The following TMEM178B variants were observed in gnomAD, a reference collection of about 807,000 sequenced individuals.
TMEM178B encodes the protein transmembrane protein 178B.
Under a neutral mutation model 31.0 loss-of-function variants are expected in TMEM178B, and 5 were observed. The observed-to-expected ratio is 0.16, with a 90% CI of 0.08 to 0.34. The LOEUF is 0.34. Ranked by LOEUF, TMEM178B falls within the 10% of genes least tolerant of loss-of-function variation. The pLI is 1.00. For synonymous variants in TMEM178B, 164 were observed against 164.0 expected (o/e 1.00, Z 0.00); for missense variants, 275 against 400.3 (o/e 0.69, Z 2.67).
chr7:141,140,703 T>G (rs191038042), intron 1 of TMEM178B, among the ~76,000 whole-genome samples: 1 of 152,316 alleles, frequency 6.6e-6, no homozygotes, highest in Admixed American at 6.5e-5. Flanking sequence ...TTGTTTTTGG[T>G]GACTTTGACG....
At chr7:141,358,407 G>A (rs1799859876) in intron 2 of TMEM178B, among the ~76,000 whole-genome samples, 1 of 152,030 alleles carries the variant, frequency 6.6e-6, no homozygotes, top group Non-Finnish European at 1.5e-5. Context: ...AAACCTCTAT[G>A]TCTTTTCCCC....
At chr7:141,213,861 C>A (rs1797087161) in intron 2 of TMEM178B, among the ~76,000 whole-genome samples, 1 of 152,112 alleles carries the variant, frequency 6.6e-6, no homozygotes, top group African/African-American at 2.4e-5. Context: ...ACTAAATACT[C>A]CTGGCCTGAA....
At chr7:141,376,915 G>T (rs921986095) in intron 2 of TMEM178B, among the ~76,000 whole-genome samples, 4 of 152,106 alleles carry the variant, frequency 2.6e-5, no homozygotes, top group African/African-American at 9.7e-5. Flanking sequence ...ATGTGAAAAT[G>T]TACTAAAATG....
At chr7:141,363,913 TAAAA>T (rs1052456569) in intron 2 of TMEM178B, among the ~76,000 whole-genome samples, 6 of 137,164 alleles carry the variant, frequency 4.4e-5, no homozygotes, top group African/African-American at 1.4e-4. Flanking sequence ...AATAAAATAA[TAAAA>T]AAGAAATAAG....
intron 2 of TMEM178B, among the ~76,000 whole-genome samples, chr7:141,251,716 T>A (rs1220470360): frequency 1.3e-5 from 2 of 152,310 alleles, no homozygotes; most frequent in African/African-American, 4.8e-5. Flanking sequence ...ATTGTACCTA[T>A]TACAGTGTGC....
chr7:141,315,329 G>A (rs181437671), intron 2 of TMEM178B, among the ~76,000 whole-genome samples: 18 of 151,998 alleles, frequency 1.2e-4, no homozygotes, highest in Non-Finnish European at 2.4e-4. Flanking sequence ...TACCATTTTC[G>A]GGCCATCATT....
At chr7:141,160,409 C>T (rs750411025) in intron 1 of TMEM178B, among the ~76,000 whole-genome samples, 18 of 152,204 alleles carry the variant, frequency 1.2e-4, no homozygotes, top group Non-Finnish European at 1.8e-4. Context: ...GCCTGAGCAT[C>T]TCCTCCCAGA....
intron 1 of TMEM178B, among the ~76,000 whole-genome samples, chr7:141,123,729 T>A (rs189348703): frequency 6.6e-6 from 1 of 152,276 alleles, no homozygotes; most frequent in Non-Finnish European, 1.5e-5. Flanking sequence ...TTACTTCTCC[T>A]TTCTTAGAGT....
intron 2 of TMEM178B, among the ~76,000 whole-genome samples, chr7:141,277,846 C>CAT (rs1798291250): frequency 6.6e-6 from 1 of 152,240 alleles, no homozygotes; most frequent in East Asian, 1.9e-4. Context: ...AATGAACCAG[C>CAT]ATATATATAT....
chr7:141,435,512 T>C (rs761728536), intron 2 of TMEM178B, among the ~76,000 whole-genome samples: 8 of 152,084 alleles, frequency 5.3e-5, no homozygotes, highest in Non-Finnish European at 1.2e-4. Flanking sequence ...CTCCAGAGTC[T>C]CTTGTGGTGG....
At chr7:141,153,194 A>T (rs914604931) in intron 1 of TMEM178B, among the ~76,000 whole-genome samples, 1 of 152,064 alleles carries the variant, frequency 6.6e-6, no homozygotes, top group Non-Finnish European at 1.5e-5. Context: ...CCACATGTGT[A>T]TTTTTTTTAA....
At chr7:141,161,287 C>T (rs898728905) in intron 1 of TMEM178B, among the ~76,000 whole-genome samples, 3 of 152,030 alleles carry the variant, frequency 2.0e-5, no homozygotes, top group East Asian at 1.9e-4. Context: ...TGGTGGATGA[C>T]GAGGTGGTGA....
intron 3 of TMEM178B, among the ~76,000 whole-genome samples, chr7:141,453,918 T>A (rs1294764442): frequency 1.7e-5 from 1 of 59,060 alleles, no homozygotes; most frequent in African/African-American, 5.9e-5. Flanking sequence ...ATCCCTTTTA[T>A]CTAAAAAAAA....
chr7:141,223,662 G>C (rs35770921), intron 2 of TMEM178B, among the ~76,000 whole-genome samples: 3,267 of 152,140 alleles, frequency 0.021, 52 homozygotes, highest in South Asian at 0.036. Flanking sequence ...TGAAAGCCTA[G>C]TGGTACTTAT....
chr7:141,164,462 G>T (rs1255172124), intron 1 of TMEM178B, among the ~76,000 whole-genome samples: 1 of 152,178 alleles, frequency 6.6e-6, no homozygotes, highest in East Asian at 1.9e-4. Flanking sequence ...ACTGGGACAG[G>T]ACTTGGGTTT....
chr7:141,314,815 A>C (rs762293111), intron 2 of TMEM178B, among the ~76,000 whole-genome samples: 3 of 152,116 alleles, frequency 2.0e-5, no homozygotes, highest in Non-Finnish European at 4.4e-5. Context: ...TGAGACCTCA[A>C]TCACCCTAAT....
chr7:141,449,587 C>T (rs1801826155), intron 3 of TMEM178B, among the ~76,000 whole-genome samples: 1 of 152,138 alleles, frequency 6.6e-6, no homozygotes, highest in Admixed American at 6.5e-5. Flanking sequence ...GACACAGGGT[C>T]CCCCTGAGAT....
intron 2 of TMEM178B, among the ~76,000 whole-genome samples, chr7:141,213,063 G>T (rs1563119300): frequency 1.3e-5 from 2 of 152,156 alleles, no homozygotes; most frequent in Non-Finnish European, 2.9e-5. Context: ...AAGTTGCTTG[G>T]AATATTATTG....
rs1395771234 is a variant in TMEM178B, at chr7:141,074,461, G to A, written c.151G>A (p.Val51Ile). 6.5e-7 allele frequency: 1 copy of A among 1,535,994 alleles called. No homozygotes were observed. The highest frequency in any genetic ancestry group is 8.7e-7 in the Non-Finnish European group (1 of 1,146,880). The change falls in exon 1 of 4, where the codon GTC becomes ATC. Residue 51 changes from valine (V) to isoleucine (I), a missense_variant. Coordinates refer to ENST00000565468, the MANE Select transcript of TMEM178B (RefSeq NM_001195278.2). The surrounding 1 kb of genome is among the most constrained non-coding windows in gnomAD (Gnocchi z 5.1). ...DRCKAFNTRRVDPGFIYNNNN... is the reference protein window; with the variant it reads ...DRCKAFNTRRIDPGFIYNNNN... The stretch of plus-strand genomic sequence containing the variant: ...GTGCAAGGCCTTCAACACCCGCCGG[G>A]TCGACCCCGGCTTCATTTACAACAA...
Sources: gnomAD v4.1 joint callset for allele counts (sites outside exome capture counted in the v4.1 genomes callset) on GRCh38, gnomAD v4.1.1 for gene constraint, Gnocchi (gnomAD v3.1) non-coding constraint, MANE v1.5 for transcripts, NCBI Gene and HGNC (gene_info 2026-07-23, HGNC 2026-07-21) for gene names.